Variants in RORA observed in about 807,000 individuals in gnomAD.
RORA encodes the protein RAR related orphan receptor A, also known as nuclear receptor ROR-alpha.
In RORA, 7 loss-of-function variants were observed where a neutral mutation model predicts 69.5. The observed-to-expected ratio is 0.10, with a 90% CI of 0.06 to 0.19. RORA has a LOEUF of 0.19. RORA is among the 10% of genes least tolerant of loss of function. The pLI, the probability that RORA is intolerant of heterozygous loss-of-function variation, is 1.00. For missense variants in RORA, 457 were observed against 663.0 expected (o/e 0.69, Z 3.41); for synonymous variants, 261 against 240.8 (o/e 1.08, Z -0.78).
At chr15:60,884,156 T>C (rs2073724362) in intron 1 of RORA, among the ~76,000 whole-genome samples, 1 of 151,556 alleles carries the variant, frequency 6.6e-6, no homozygotes, top group African/African-American at 2.4e-5. Flanking sequence ...AGAGCTATGC[T>C]GTGGTGCTCA....
At chr15:60,600,057 T>C (rs1459004470) in intron 2 of RORA, among the ~76,000 whole-genome samples, 2 of 152,254 alleles carry the variant, frequency 1.3e-5, no homozygotes, top group Non-Finnish European at 2.9e-5. Flanking sequence ...ATCTCATCCA[T>C]TTCAGTTCTG....
chr15:60,862,951 T>A (rs1228299528), intron 1 of RORA, among the ~76,000 whole-genome samples: 1 of 152,220 alleles, frequency 6.6e-6, no homozygotes, highest in Non-Finnish European at 1.5e-5. Flanking sequence ...TAGGGGCTTT[T>A]CCTCTCTGCT....
intron 1 of RORA, among the ~76,000 whole-genome samples, chr15:60,945,157 T>C (rs1262946880): frequency 2.6e-5 from 4 of 152,056 alleles, no homozygotes; most frequent in South Asian, 2.1e-4. Flanking sequence ...ACCTATAAAA[T>C]ATAATTTCCC....
chr15:61,170,173 G>C (rs2079573151), intron 1 of RORA, among the ~76,000 whole-genome samples: 1 of 152,186 alleles, frequency 6.6e-6, no homozygotes, highest in African/African-American at 2.4e-5. Flanking sequence ...TACCATAAAT[G>C]CAGTGGCTTA....
At chr15:60,568,926 G>T (rs2067792431) in intron 2 of RORA, among the ~76,000 whole-genome samples, 1 of 130,718 alleles carries the variant, frequency 7.7e-6, no homozygotes, top group South Asian at 2.7e-4. Flanking sequence ...ATGGATTTCA[G>T]TTTAGATGGT....
chr15:61,124,432 T>C (rs782938), intron 1 of RORA, among the ~76,000 whole-genome samples: 56,142 of 151,836 alleles, frequency 0.37, 10,783 homozygotes, highest in South Asian at 0.52. Flanking sequence ...TCTCTGCCCC[T>C]CTGAGAGCAG....
intron 1 of RORA, among the ~76,000 whole-genome samples, chr15:61,050,910 G>C (rs915297214): frequency 2.0e-5 from 3 of 152,204 alleles, no homozygotes; most frequent in African/African-American, 2.4e-5. Flanking sequence ...TGGTGAACAA[G>C]AGCCAAAACA....
chr15:61,052,211 T>A (rs1158333268), intron 1 of RORA, among the ~76,000 whole-genome samples: 1 of 152,200 alleles, frequency 6.6e-6, no homozygotes, highest in African/African-American at 2.4e-5. Context: ...TCTCCTCCAC[T>A]CCCAAACACA....
At chr15:61,201,522 C>T (rs542579595) in intron 1 of RORA, among the ~76,000 whole-genome samples, 1 of 152,126 alleles carries the variant, frequency 6.6e-6, no homozygotes, top group Non-Finnish European at 1.5e-5. Flanking sequence ...TGATTTGCCT[C>T]GAGTCAGATT....
rs893681888 is a variant in RORA at position 60,493,177 on chromosome 15, G to T, written c.*4278C>A. The T allele has an allele frequency of 2.0e-5, 3 of 152,090 alleles. No individual in the cohort carries two copies. Among genetic ancestry groups the T allele is most frequent in the Non-Finnish European group, 4.4e-5 (3 of 68,012 alleles). The allele number at this position is 152,090 out of a possible 1,614,324, so 9.4% of individuals were successfully genotyped here. Reference sequence around the variant, plus strand: ...TTATTATCTTAAAATAATAGCATTGGAAGGACATATGATTTAAACAATCAA... The same window carrying T: ...TTATTATCTTAAAATAATAGCATTGTAAGGACATATGATTTAAACAATCAA... On this transcript the variant is annotated 3_prime_UTR_variant, in exon 11 of 11. Coordinates refer to ENST00000335670, the MANE Select transcript of RORA (RefSeq NM_134261.3).
chr15:60,886,544 C>G (rs930095838), intron 1 of RORA, among the ~76,000 whole-genome samples: 1 of 152,210 alleles, frequency 6.6e-6, no homozygotes, highest in African/African-American at 2.4e-5. Flanking sequence ...TAGAGTCAGC[C>G]TGCCAAGGGC....
At chr15:61,112,054 A>C (rs1035644431) in intron 1 of RORA, among the ~76,000 whole-genome samples, 1 of 152,206 alleles carries the variant, frequency 6.6e-6, no homozygotes, top group Non-Finnish European at 1.5e-5. Context: ...GGAATAACGT[A>C]AACTCCACAC....
chr15:61,127,463 A>T (rs527713379), intron 1 of RORA, among the ~76,000 whole-genome samples: 13 of 152,214 alleles, frequency 8.5e-5, no homozygotes, highest in African/African-American at 3.1e-4. Context: ...CTCTTTGTTC[A>T]AACTGTACGT....
chr15:60,862,569 C>T (rs185318830), intron 1 of RORA, among the ~76,000 whole-genome samples: 38 of 152,236 alleles, frequency 2.5e-4, no homozygotes, highest in African/African-American at 8.2e-4. Context: ...AAATTGCATC[C>T]GCTCCTACCA....
At chr15:60,914,311 T>C (rs1213090345) in intron 1 of RORA, among the ~76,000 whole-genome samples, 1 of 152,028 alleles carries the variant, frequency 6.6e-6, no homozygotes, top group South Asian at 2.1e-4. Flanking sequence ...TGCTTGCCCA[T>C]GGGGAGGTGA....
At chr15:60,617,566 T>C (rs1325559316) in intron 2 of RORA, among the ~76,000 whole-genome samples, 2 of 150,860 alleles carry the variant, frequency 1.3e-5, no homozygotes, top group African/African-American at 2.4e-5. Flanking sequence ...TACAGATTCA[T>C]AGCACAGTGG....
intron 1 of RORA, among the ~76,000 whole-genome samples, chr15:60,880,147 C>G (rs1372837799): frequency 1.3e-5 from 2 of 152,188 alleles, no homozygotes; most frequent in Non-Finnish European, 2.9e-5. Flanking sequence ...TCACCTTACT[C>G]TTTGGTTTCC....
chr15:60,816,106 T>A (rs2072812842), intron 1 of RORA, among the ~76,000 whole-genome samples: 1 of 134,704 alleles, frequency 7.4e-6, no homozygotes, highest in African/African-American at 2.8e-5. Flanking sequence ...GTATATGTAT[T>A]TATATACTGT....
intron 1 of RORA, chr15:60,764,932 G>T (rs1236462079): frequency 1.3e-5 from 2 of 151,552 alleles, no homozygotes; most frequent in Non-Finnish European, 2.9e-5. Flanking sequence ...TGGCTTCTGT[G>T]CCTGGAACCA....
Sources: gnomAD v4.1 joint callset for allele counts (sites outside exome capture counted in the v4.1 genomes callset) on GRCh38, gnomAD v4.1.1 for gene constraint, MANE v1.5 for transcripts, NCBI Gene and HGNC (gene_info 2026-07-23, HGNC 2026-07-21) for gene names.